KCNJ6: variants seen among roughly 807,000 people sequenced by gnomAD.
KCNJ6 encodes potassium inwardly rectifying channel subfamily J member 6, also known as G protein-activated inward rectifier potassium channel 2.
KCNJ6 carries 9 observed loss-of-function variants against 34.2 expected under a neutral mutation model. That is an observed-to-expected ratio of 0.26 (90% CI 0.16 to 0.46). KCNJ6 has a LOEUF of 0.46. Among genes scored for constraint, KCNJ6 ranks in the 20% least tolerant of loss-of-function variants. KCNJ6 has a pLI of 1.00. For missense variants in KCNJ6, 236 were observed against 531.3 expected (o/e 0.44, Z 5.46); for synonymous variants, 196 against 207.1 (o/e 0.95, Z 0.46).
intron 1 of KCNJ6, among the ~76,000 whole-genome samples, chr21:37,911,917 C>T (rs535365148): frequency 1.3e-5 from 2 of 152,254 alleles, no homozygotes; most frequent in African/African-American, 4.8e-5. Flanking sequence ...TTTTCTATAA[C>T]TTCTTAAATA....
intron 1 of KCNJ6, among the ~76,000 whole-genome samples, chr21:37,896,096 G>A (rs201264723): frequency 6.6e-6 from 1 of 152,314 alleles, no homozygotes; most frequent in East Asian, 1.9e-4. Flanking sequence ...TCGGAAGGAA[G>A]AGGTGAGAAG....
At chr21:37,759,137 C>G (rs528510982) in intron 2 of KCNJ6, among the ~76,000 whole-genome samples, 1 of 152,262 alleles carries the variant, frequency 6.6e-6, no homozygotes, top group Admixed American at 6.5e-5. Flanking sequence ...GATCAGCTCG[C>G]AGTTCAGCTT....
At chr21:37,809,364 G>A (rs368845560) in intron 2 of KCNJ6, among the ~76,000 whole-genome samples, 113 of 151,960 alleles carry the variant, frequency 7.4e-4, no homozygotes, top group Non-Finnish European at 1.1e-3. Context: ...ATCACACTCC[G>A]GGGCCTGTTG....
At chr21:37,850,627 G>C (rs901524128) in intron 1 of KCNJ6, among the ~76,000 whole-genome samples, 1 of 151,994 alleles carries the variant, frequency 6.6e-6, no homozygotes, top group African/African-American at 2.4e-5. Flanking sequence ...ATGCCAAAAA[G>C]GTTGGAGGCT....
At chr21:37,676,050 C>T (rs1285560406) in intron 3 of KCNJ6, among the ~76,000 whole-genome samples, 1 of 152,314 alleles carries the variant, frequency 6.6e-6, no homozygotes, top group African/African-American at 2.4e-5. Flanking sequence ...TAACAGGGTC[C>T]GTGGGAGATT....
chr21:37,784,952 A>G (rs919254299), intron 2 of KCNJ6, among the ~76,000 whole-genome samples: 1 of 152,126 alleles, frequency 6.6e-6, no homozygotes, highest in East Asian at 1.9e-4. Flanking sequence ...TCCGAGCACA[A>G]TTTGGAGAAT....
At chr21:37,643,066 G>T (rs549235068) in intron 3 of KCNJ6, among the ~76,000 whole-genome samples, 2 of 152,252 alleles carry the variant, frequency 1.3e-5, no homozygotes, top group South Asian at 4.2e-4. Flanking sequence ...ATGGGTGGTG[G>T]GGGGGACAGC....
chr21:37,684,022 G>A (rs1362874651), intron 3 of KCNJ6, among the ~76,000 whole-genome samples: 1 of 152,212 alleles, frequency 6.6e-6, no homozygotes, highest in Non-Finnish European at 1.5e-5. Flanking sequence ...CAACTGAACT[G>A]GTCTCTAGTA....
At position 37,615,244 on chromosome 21, in the gene KCNJ6, C is replaced by CTTTTTTTTTTTTTTTTTTTTTTT. The variant is rs1156939747; in HGVS notation, c.*9892_*9914dup. On this transcript the variant is annotated 3_prime_UTR_variant, in exon 4 of 4. Coordinates refer to ENST00000609713, the MANE Select transcript of KCNJ6 (RefSeq NM_002240.5). ...ACCCTCGACTGACATTCCCAGCATT[C>CTTTTTTTTTTTTTTTTTTTTTTT]TTTTTTTTTTTTTTTTTTTTTTTTT... 3.0e-5 allele frequency: 3 copies of CTTTTTTTTTTTTTTTTTTTTTTT among 98,880 alleles called. No individual in the cohort carries two copies. Among genetic ancestry groups the CTTTTTTTTTTTTTTTTTTTTTTT allele is most frequent in the African/African-American group, 1.2e-4 (3 of 25,190 alleles). 6.1% of individuals were successfully genotyped at this position (98,880 alleles called of 1,614,324 possible).
At chr21:37,874,012 C>A (rs994110652) in intron 1 of KCNJ6, among the ~76,000 whole-genome samples, 2 of 152,192 alleles carry the variant, frequency 1.3e-5, no homozygotes, top group South Asian at 4.1e-4. Flanking sequence ...TGCTCACTTT[C>A]ACAGCAGAAC....
At chr21:37,762,430 C>A (rs1191713528) in intron 2 of KCNJ6, among the ~76,000 whole-genome samples, 1 of 152,148 alleles carries the variant, frequency 6.6e-6, no homozygotes, top group Non-Finnish European at 1.5e-5. Context: ...ACCACGTGGT[C>A]CACAGGTCTT....
At chr21:37,794,966 T>C (rs995012546) in intron 2 of KCNJ6, among the ~76,000 whole-genome samples, 2 of 152,070 alleles carry the variant, frequency 1.3e-5, no homozygotes, top group Admixed American at 1.3e-4. Context: ...ATTCCGCCCA[T>C]GAATGAGTTA....
intron 3 of KCNJ6, among the ~76,000 whole-genome samples, chr21:37,669,211 G>A (rs997421623): frequency 2.6e-5 from 4 of 152,022 alleles, no homozygotes; most frequent in Non-Finnish European, 5.9e-5. Context: ...GACCTGTAAG[G>A]CACCCCCCCA....
chr21:37,667,154 T>TAAAA (rs55953891), intron 3 of KCNJ6, among the ~76,000 whole-genome samples: 23 of 39,094 alleles, frequency 5.9e-4, no homozygotes, highest in African/African-American at 2.1e-3. Flanking sequence ...CAATAAATAC[T>TAAAA]AAAAAAAAAA....
chr21:37,702,797 T>C (rs952677809), intron 3 of KCNJ6, among the ~76,000 whole-genome samples: 1 of 152,012 alleles, frequency 6.6e-6, no homozygotes, highest in Non-Finnish European at 1.5e-5. Flanking sequence ...GGCACTCTTA[T>C]TGAGGTAGGA....
chr21:37,664,329 TAA>T (rs2054504154), intron 3 of KCNJ6, among the ~76,000 whole-genome samples: 2 of 151,544 alleles, frequency 1.3e-5, no homozygotes, highest in African/African-American at 2.4e-5. Flanking sequence ...GAAAAAGAAA[TAA>T]AGAGACAATA....
intron 2 of KCNJ6, among the ~76,000 whole-genome samples, chr21:37,722,189 C>T (rs142587039): frequency 6.0e-4 from 91 of 152,144 alleles, no homozygotes; most frequent in African/African-American, 2.1e-3. Flanking sequence ...GAATAAAATC[C>T]CACTTATCAT....
intron 2 of KCNJ6, among the ~76,000 whole-genome samples, chr21:37,759,417 C>G (rs148556219): frequency 6.6e-6 from 1 of 152,324 alleles, no homozygotes; most frequent in African/African-American, 2.4e-5. Flanking sequence ...AACGCGGCCT[C>G]TCCATCCCTG....
rs150711407 is a variant in KCNJ6, at chr21:37,616,028, G to A, written c.*9131C>T. On this transcript the variant is annotated 3_prime_UTR_variant, in exon 4 of 4. Coordinates refer to ENST00000609713, the MANE Select transcript of KCNJ6 (RefSeq NM_002240.5). ...GTGCGGAGGGAGCTCCTGTGTGCTG[G>A]GTCCTACTCCACATTACCTTGGGTT... is the stretch of plus-strand genomic sequence containing the variant. 2.3e-4 allele frequency: 35 copies of A among 152,294 alleles called. No homozygotes were observed. The highest frequency in any genetic ancestry group is 8.2e-4 in the African/African-American group (34 of 41,568). The allele number at this position is 152,294 out of a possible 1,614,324, so 9.4% of individuals were successfully genotyped here. A position where few individuals can be genotyped will look rare whatever the true frequency, so the allele number is the denominator to read the frequency against.
Sources: allele counts gnomAD v4.1 joint callset (sites outside exome capture counted in the v4.1 genomes callset), GRCh38; gene constraint gnomAD v4.1.1; transcripts MANE v1.5; gene names NCBI Gene and HGNC (gene_info 2026-07-23, HGNC 2026-07-21).